Variants in NUF2 observed in about 807,000 individuals in gnomAD.
NUF2 encodes the protein NUF2 component of NDC80 kinetochore complex, also known as kinetochore protein Nuf2.
NUF2 carries 34 observed loss-of-function variants against 61.8 expected under a neutral mutation model. The ratio of observed to expected loss-of-function variants is 0.55; its 90% CI spans 0.42 to 0.73. NUF2 has a LOEUF of 0.73. NUF2 is among the 30% of genes least tolerant of loss of function. The pLI, the probability that NUF2 is intolerant of heterozygous loss-of-function variation, is 0.00. For missense variants in NUF2, 445 were observed against 539.1 expected, an observed-to-expected ratio of 0.83 and a Z score of 1.73; for synonymous variants, 172 against 181.6, an observed-to-expected ratio of 0.95 and a Z score of 0.42.
At chr1:163,345,591 A>G (rs1651095633) in intron 10 of NUF2, 87 bp from the exon 11 acceptor site, 1 of 1,224,930 alleles carries the variant, frequency 8.2e-7, no homozygotes, top group East Asian at 2.3e-5. Flanking sequence ...TAAATGTGGA[A>G]ATTATTTAAG....
rs553025366 is a variant in NUF2, at chr1:163,334,489, C to T, written c.338-2262C>T. 4.6e-5 allele frequency among the ~76,000 whole-genome samples: 7 copies of T among 152,110 alleles called. No individual in the cohort carries two copies. In the South Asian group the frequency reaches 6.2e-4, roughly 14 times the overall value. Reference sequence around the variant, plus strand: ...ACTTTAATTTTTGAAAGGTATTTTTCTTGAGGCCAGGTGCAGTGACTCTCA... The same window carrying T: ...ACTTTAATTTTTGAAAGGTATTTTTTTTGAGGCCAGGTGCAGTGACTCTCA... On this transcript the variant is annotated intron_variant, in intron 5 of 13. Coordinates refer to ENST00000271452, the MANE Select transcript of NUF2 (RefSeq NM_145697.3).
At chr1:163,327,616 T>TGTTG in intron 3 of NUF2, 54 bp downstream of exon 3, 1 of 1,171,972 alleles carries the variant, frequency 8.5e-7, no homozygotes, top group Non-Finnish European at 1.3e-6. Context: ...TTTGTTTGTT[T>TGTTG]TGTTTTGCTG....
rs1651109147 is a variant in NUF2 at position 163,345,921 on chromosome 1, G to A, written c.948+103G>A. 1.0e-5 allele frequency: 8 copies of A among 786,354 alleles called. No individual in the cohort carries two copies. The East Asian group carries it at 2.1e-4, about 20-fold the overall frequency. The allele number at this position is 786,354 out of a possible 1,614,324, so 48.7% of individuals were successfully genotyped here. On this transcript the variant is annotated intron_variant, in intron 11 of 13. Coordinates refer to ENST00000271452, the MANE Select transcript of NUF2 (RefSeq NM_145697.3). ...TGTTATGTTTTCCTAAAGAAAAACA[G>A]GGTCATTCTACAGTATAATAGATGT... is the stretch of plus-strand genomic sequence containing the variant.
chr1:163,336,859 A>G lies in NUF2; in HGVS notation c.435+11A>G, dbSNP rs374419828. ...TTTCTTTGGCAATATGTAAGATTTA[A>G]ATATGTTTTGGGGTTACATGCCAGA... is the stretch of plus-strand genomic sequence containing the variant. On this transcript the variant is annotated intron_variant, in intron 6 of 13. Transcript: ENST00000271452. The G allele has an allele frequency of 3.9e-5, 61 of 1,549,474 alleles. No homozygotes were observed. Among genetic ancestry groups the G allele is most frequent in the Non-Finnish European group, 5.0e-5 (56 of 1,121,512 alleles).
chr1:163,349,544 C>A (rs1209990064), intron 13 of NUF2, among the ~76,000 whole-genome samples: 1 of 151,522 alleles, frequency 6.6e-6, no homozygotes, highest in Non-Finnish European at 1.5e-5. Context: ...CTTTTTTTTT[C>A]ATTCTTCACC....
chr1:163,323,226 T>A (rs1650297690), intron 1 of NUF2: 1 of 152,226 alleles, frequency 6.6e-6, no homozygotes, highest in African/African-American at 2.4e-5. Flanking sequence ...GAAGATACTT[T>A]ACACCTACGC....
intron 2 of NUF2, 56 bp downstream of exon 2, chr1:163,326,230 A>G: frequency 1.3e-6 from 2 of 1,573,222 alleles, no homozygotes; most frequent in Non-Finnish European, 1.7e-6. Flanking sequence ...AAAGTAAGCT[A>G]CTAGGTCTAT....
Position 163,327,534 on chromosome 1 carries a change from A to G in NUF2, c.170A>G (p.Tyr57Cys), listed in dbSNP as rs1363732741. 6.2e-7 allele frequency: 1 copy of G among 1,611,806 alleles called. No individual in the cohort carries two copies. The highest frequency in any genetic ancestry group is 1.3e-5 in the African/African-American group (1 of 74,860). ...MIYMRALQIV[Y>C]GIRLEHFYMM... ...TACATGAGAGCCTTACAAATAGTAT[A>G]TGGAATTCGACTGGAACATTTTTAC... Residue 57 changes from tyrosine to cysteine, a missense_variant, in exon 3 of 14, where the codon TAT becomes TGT. Coordinates refer to ENST00000271452, the MANE Select transcript of NUF2 (RefSeq NM_145697.3).
intron 5 of NUF2, among the ~76,000 whole-genome samples, chr1:163,333,214 A>G (rs985638912): frequency 2.6e-5 from 4 of 152,132 alleles, no homozygotes; most frequent in Non-Finnish European, 5.9e-5. Context: ...TCTGAAATAT[A>G]CTTGATTTTA....
rs1457941947 is a variant in NUF2, at chr1:163,326,044, C to G, written c.-8C>G. The G allele has an allele frequency of 6.8e-6, 11 of 1,611,060 alleles. No homozygotes were observed. In the South Asian group the frequency reaches 7.7e-5, roughly 11 times the overall value. ...TTTCTTCCTTCAGATTAACAGGAAA[C>G]TTCCAAGATGGAAACTTTGTCTTTC... is the stretch of plus-strand genomic sequence containing the variant. On this transcript the variant is annotated 5_prime_UTR_variant, in exon 2 of 14. Transcript: ENST00000271452.
chr1:163,329,777 G>A (rs1650538231), intron 5 of NUF2, among the ~76,000 whole-genome samples: 2 of 152,160 alleles, frequency 1.3e-5, no homozygotes, highest in African/African-American at 4.8e-5. Context: ...CAGATGTTTA[G>A]AGCAACTTTA....
At position 163,333,021 on chromosome 1, in the gene NUF2, A is replaced by G. The variant is rs138882496; in HGVS notation, c.338-3730A>G. Reference sequence around the variant, plus strand: ...CGTTGTTCAAGCCTACTGGGTCCTTACAGACTTTTTTCCTGGTTGTTCTTT... The same window carrying G: ...CGTTGTTCAAGCCTACTGGGTCCTTGCAGACTTTTTTCCTGGTTGTTCTTT... On this transcript the variant is annotated intron_variant, in intron 5 of 13. Transcript: ENST00000271452. 4.0e-4 allele frequency among the ~76,000 whole-genome samples: 61 copies of G among 152,272 alleles called. 1 individual carries two copies. In the East Asian group the frequency reaches 9.7e-3, roughly 24 times the overall value.
At chr1:163,340,261 A>C in intron 8 of NUF2, 103 bp from the exon 9 acceptor site, 1 of 831,926 alleles carries the variant, frequency 1.2e-6, no homozygotes. Flanking sequence ...TATCTGATCT[A>C]ACACATTTAA....
chr1:163,340,075 G>A (rs1053520993), intron 8 of NUF2, among the ~76,000 whole-genome samples: 14 of 152,130 alleles, frequency 9.2e-5, no homozygotes, highest in Admixed American at 3.9e-4. Flanking sequence ...AGTACTCGAG[G>A]TTATTTAAGA....
chr1:163,354,503 C>G (rs1417069812), intron 13 of NUF2, among the ~76,000 whole-genome samples: 1 of 152,044 alleles, frequency 6.6e-6, no homozygotes. Context: ...AGAATTTAAA[C>G]TAAGGTAAGT....
chr1:163,325,871 C>T (rs768653062), intron 1 of NUF2, among the ~76,000 whole-genome samples, 161 bp from the exon 2 acceptor site: 2 of 152,126 alleles, frequency 1.3e-5, no homozygotes, highest in Non-Finnish European at 2.9e-5. Flanking sequence ...TTTTAGGATA[C>T]ATATATAAAT....
At chr1:163,328,690 TAGGG>T (rs1650504579) in intron 4 of NUF2, 152 bp from the exon 5 acceptor site, 2 of 566,312 alleles carry the variant, frequency 3.5e-6, no homozygotes, top group Non-Finnish European at 6.2e-6. Context: ...TTCAGTGCTA[TAGGG>T]TTATACATTA....
At chr1:163,336,045 A>G (rs116288919) in intron 5 of NUF2, among the ~76,000 whole-genome samples, 501 of 151,992 alleles carry the variant, frequency 3.3e-3, no homozygotes, top group African/African-American at 0.011. Context: ...TCTACCATGT[A>G]TGTTATTTGT....
At chr1:163,346,629 A>T (rs116654138) in intron 11 of NUF2, among the ~76,000 whole-genome samples, 1 of 152,300 alleles carries the variant, frequency 6.6e-6, no homozygotes, top group African/African-American at 2.4e-5. Context: ...CTGAGGCGGG[A>T]GGACCATTGA....
Sources: gnomAD v4.1 joint callset for allele counts (sites outside exome capture counted in the v4.1 genomes callset) on GRCh38, gnomAD v4.1.1 for gene constraint, MANE v1.5 for transcripts, NCBI Gene and HGNC (gene_info 2026-07-23, HGNC 2026-07-21) for gene names.